The following SLX9 variants were observed in gnomAD, a reference collection of about 807,000 sequenced individuals.
SLX9 encodes the protein ribosome biogenesis protein SLX9 homolog.
Under a neutral mutation model 20.8 loss-of-function variants are expected in SLX9, and 19 were observed. The ratio of observed to expected loss-of-function variants is 0.91; its 90% CI spans 0.64 to 1.34. The LOEUF is 1.34. SLX9 is among the 40% of genes most tolerant of loss of function. The pLI is 0.00. For missense variants in SLX9, 299 were observed against 322.2 expected (o/e 0.93, Z 0.55); for synonymous variants, 113 against 137.1 (o/e 0.82, Z 1.23).
chr21:44,947,562 A>G (rs2084666373), intron 2 of SLX9, among the ~76,000 whole-genome samples: 1 of 133,970 alleles, frequency 7.5e-6, no homozygotes, highest in Non-Finnish European at 1.5e-5. Flanking sequence ...GTGACTGACA[A>G]GTTCATGGCA....
At chr21:44,949,541 C>T (rs2084714518) in intron 2 of SLX9, among the ~76,000 whole-genome samples, 1 of 152,170 alleles carries the variant, frequency 6.6e-6, no homozygotes, top group African/African-American at 2.4e-5. Context: ...CAGAGCGCAC[C>T]ATGGAGCCAG....
chr21:44,975,666 A>G (rs1301379650), intron 5 of SLX9, among the ~76,000 whole-genome samples: 2 of 152,212 alleles, frequency 1.3e-5, no homozygotes, highest in Non-Finnish European at 2.9e-5. Flanking sequence ...TGGTAGCCCC[A>G]GAGATCACTA....
intron 2 of SLX9, among the ~76,000 whole-genome samples, chr21:44,945,238 A>G (rs1284874191): frequency 6.6e-6 from 1 of 152,194 alleles, no homozygotes; most frequent in Admixed American, 6.5e-5. Flanking sequence ...CTTCTCTCCA[A>G]GGAGGACCTG....
At chr21:44,970,898 G>GTCCC (rs2085131028) in intron 4 of SLX9, among the ~76,000 whole-genome samples, 1 of 152,008 alleles carries the variant, frequency 6.6e-6, no homozygotes, top group African/African-American at 2.4e-5. Flanking sequence ...TCCCAACCCA[G>GTCCC]CTCCCTCAAT....
At chr21:44,962,341 C>T (rs1349877070) in intron 3 of SLX9, among the ~76,000 whole-genome samples, 1 of 152,166 alleles carries the variant, frequency 6.6e-6, no homozygotes. Flanking sequence ...CCCACTGGCC[C>T]CAGAGGTAAC....
At chr21:44,939,948 G>C (rs2084506267), upstream of SLX9, 18 of 1,207,836 alleles carry the variant, frequency 1.5e-5, no homozygotes, top group East Asian at 5.9e-4. Flanking sequence ...GGGTACTTCC[G>C]GCGGCCGCGG....
intron 4 of SLX9, among the ~76,000 whole-genome samples, chr21:44,968,041 C>T (rs2085071299): frequency 6.7e-6 from 1 of 150,208 alleles, no homozygotes; most frequent in African/African-American, 2.5e-5. Flanking sequence ...GCCCTTAGTG[C>T]ATGAGTGGCC....
At chr21:44,962,913 A>G (rs565586605) in intron 3 of SLX9, among the ~76,000 whole-genome samples, 74 of 152,172 alleles carry the variant, frequency 4.9e-4, no homozygotes, top group Non-Finnish European at 9.1e-4. Flanking sequence ...CCAAAAGAGC[A>G]TTTACATGTG....
intron 2 of SLX9, among the ~76,000 whole-genome samples, chr21:44,957,005 C>G (rs984018437): frequency 6.6e-6 from 1 of 152,236 alleles, no homozygotes; most frequent in African/African-American, 2.4e-5. Context: ...AATTGCAGCT[C>G]CAGAGCACGG....
chr21:44,948,908 G>C (rs1182291569), intron 2 of SLX9, among the ~76,000 whole-genome samples: 1 of 152,238 alleles, frequency 6.6e-6, no homozygotes, highest in Non-Finnish European at 1.5e-5. Flanking sequence ...GTGTGAGCAA[G>C]TGTGGGGTCC....
chr21:44,940,829 T>A (rs866175511), intron 1 of SLX9, among the ~76,000 whole-genome samples: 1 of 152,212 alleles, frequency 6.6e-6, no homozygotes, highest in Non-Finnish European at 1.5e-5. Context: ...TCCTTGAATA[T>A]TTTTTTCTGC....
intron 4 of SLX9, among the ~76,000 whole-genome samples, chr21:44,968,753 C>CTTTTTTTTTTT (rs35304604): frequency 7.5e-6 from 1 of 132,948 alleles, no homozygotes; most frequent in African/African-American, 2.9e-5. Context: ...CATCTCTGTG[C>CTTTTTTTTTTT]TTTTTTTTTT....
At chr21:44,958,063 C>G (rs1292067295) in intron 2 of SLX9, among the ~76,000 whole-genome samples, 3 of 152,238 alleles carry the variant, frequency 2.0e-5, no homozygotes, top group Admixed American at 6.5e-5. Flanking sequence ...GTCGTTTTTA[C>G]TGTCAGCTCT....
intron 2 of SLX9, among the ~76,000 whole-genome samples, chr21:44,959,659 G>A (rs752610555): frequency 6.6e-6 from 1 of 152,230 alleles, no homozygotes; most frequent in African/African-American, 2.4e-5. Flanking sequence ...CAGGGAGCAC[G>A]TACGTCGCTG....
At chr21:44,973,333 A>C (rs1467766362) in intron 5 of SLX9, 68 bp downstream of exon 5, 5 of 1,517,976 alleles carry the variant, frequency 3.3e-6, no homozygotes, top group Non-Finnish European at 4.5e-6. Flanking sequence ...CACCCTCTCC[A>C]GGGGTTCAGC....
chr21:44,973,022 T>A, intron 4 of SLX9, 175 bp from the exon 5 acceptor site: 1 of 718,964 alleles, frequency 1.4e-6, no homozygotes, highest in South Asian at 1.8e-5. Context: ...GCACTGCTTG[T>A]CCAGGTCTCG....
In SLX9 at chr21:44,962,953, T is replaced by C. The variant is rs1402783243; in HGVS notation, c.352+2785T>C. On this transcript the variant is annotated intron_variant, in intron 3 of 5. Coordinates refer to ENST00000291634, the MANE Select transcript of SLX9 (RefSeq NM_058190.4). The stretch of plus-strand genomic sequence containing the variant: ...CTGTCCATTTGTGTTTCAGCGTCAG[T>C]GAAATTCATTTTTCATGAGGCTTTT... Among the ~76,000 whole-genome samples, 4 of 152,226 alleles carry C rather than the reference T, an allele frequency of 2.6e-5. No individual in the cohort carries two copies. In the East Asian group the frequency reaches 7.7e-4, roughly 29 times the overall value.
chr21:44,974,550 T>C (rs2085227308), intron 5 of SLX9, among the ~76,000 whole-genome samples: 1 of 152,202 alleles, frequency 6.6e-6, no homozygotes, highest in Non-Finnish European at 1.5e-5. Flanking sequence ...CTGTCTTTTT[T>C]AGTTTTTTAA....
At chr21:44,944,109 C>T (rs2084600304) in intron 2 of SLX9, among the ~76,000 whole-genome samples, 1 of 152,222 alleles carries the variant, frequency 6.6e-6, no homozygotes, top group South Asian at 2.1e-4. Context: ...GCTTTGGTGA[C>T]CAACAGGGTT....
Sources: allele counts gnomAD v4.1 joint callset (sites outside exome capture counted in the v4.1 genomes callset), GRCh38; gene constraint gnomAD v4.1.1; transcripts MANE v1.5; gene names NCBI Gene and HGNC (gene_info 2026-07-23, HGNC 2026-07-21).